Variants in CBLIF observed in about 807,000 individuals in gnomAD.
CBLIF encodes the protein cobalamin binding intrinsic factor, also known as gastric intrinsic factor (vitamin B synthesis).
CBLIF carries 24 observed loss-of-function variants against 44.9 expected under a neutral mutation model. That is an observed-to-expected ratio of 0.53 (90% CI 0.39 to 0.75). CBLIF has a LOEUF of 0.75. CBLIF is among the 30% of genes least tolerant of loss of function. CBLIF has a pLI of 0.00. For synonymous variants in CBLIF, 183 were observed against 190.9 expected, an observed-to-expected ratio of 0.96 and a Z score of 0.34; for missense variants, 481 against 513.0, an observed-to-expected ratio of 0.94 and a Z score of 0.60.
Position 59,835,790 on chromosome 11 carries a change from G to C in CBLIF, c.1073+18C>G, listed in dbSNP as rs756379956. On this transcript the variant is annotated intron_variant, in intron 7 of 8. Transcript: ENST00000257248. ...ATCAGGCCTTGAGAGAATGATGAAT[G>C]ACATTTGTAATACTCACTTGAACAT... 7.0e-6 allele frequency: 11 copies of C among 1,564,244 alleles called. No individual in the cohort carries two copies. Among genetic ancestry groups the C allele is most frequent in the Non-Finnish European group, 9.7e-6 (11 of 1,134,450 alleles).
Position 59,829,282 on chromosome 11 carries a change from T to C in CBLIF, c.*202A>G, listed in dbSNP as rs952973026. Reference sequence around the variant, plus strand: ...ATTGGCAGTCATTGTGTTGAGAAGATGAAAATTTTATTTTCATGAGTCATA... The same window carrying C: ...ATTGGCAGTCATTGTGTTGAGAAGACGAAAATTTTATTTTCATGAGTCATA... On this transcript the variant is annotated 3_prime_UTR_variant, in exon 9 of 9. Transcript: ENST00000257248. 4 of 541,036 alleles carry C rather than the reference T, an allele frequency of 7.4e-6. No individual in the cohort carries two copies. Among genetic ancestry groups the C allele is most frequent in the Non-Finnish European group, 1.4e-5 (4 of 294,658 alleles). 33.5% of individuals were successfully genotyped at this position (541,036 alleles called of 1,614,324 possible). A position where few individuals can be genotyped will look rare whatever the true frequency, so the allele number is the denominator to read the frequency against.
chr11:59,845,294 C>A, intron 1 of CBLIF, 81 bp downstream of exon 1: 2 of 1,601,640 alleles, frequency 1.2e-6, no homozygotes, highest in Non-Finnish European at 1.7e-6. Flanking sequence ...TTGCTATTTT[C>A]AACCACTCAG....
At chr11:59,831,298 T>C (rs749415889) in intron 8 of CBLIF, among the ~76,000 whole-genome samples, 1 of 152,172 alleles carries the variant, frequency 6.6e-6, no homozygotes, top group Non-Finnish European at 1.5e-5. Flanking sequence ...AAATTTTGAG[T>C]GAAACTTTTG....
At chr11:59,842,963 TG>T in intron 3 of CBLIF, 64 bp downstream of exon 3, 1 of 1,016,380 alleles carries the variant, frequency 9.8e-7, no homozygotes, top group Non-Finnish European at 1.6e-6. Flanking sequence ...TTTTCCTTTC[TG>T]GGTTTAAAAT....
intron 5 of CBLIF, among the ~76,000 whole-genome samples, chr11:59,838,848 C>CTTTTTTTTTT (rs1217612334): frequency 7.7e-6 from 1 of 130,544 alleles, no homozygotes; most frequent in Non-Finnish European, 1.6e-5. Flanking sequence ...TTCTTTCTTT[C>CTTTTTTTTTT]TTTTTTTTTT....
chr11:59,843,743 A>G (rs1327523941), intron 2 of CBLIF, 136 bp downstream of exon 2: 7 of 726,276 alleles, frequency 9.6e-6, no homozygotes, highest in East Asian at 5.4e-5. Flanking sequence ...CCTTCCAGGT[A>G]TGTAAGGAAA....
intron 4 of CBLIF, among the ~76,000 whole-genome samples, chr11:59,841,568 T>A (rs907299949): frequency 1.3e-5 from 2 of 152,174 alleles, no homozygotes; most frequent in African/African-American, 4.8e-5. Flanking sequence ...AGGGTGCTAG[T>A]GTTACTGACA....
chr11:59,840,082 T>A (rs1419625000), intron 5 of CBLIF, among the ~76,000 whole-genome samples: 1 of 151,634 alleles, frequency 6.6e-6, no homozygotes, highest in African/African-American at 2.4e-5. Flanking sequence ...ATTAGTCACT[T>A]CTATATGTGG....
chr11:59,830,812 G>A (rs138180797), intron 8 of CBLIF, among the ~76,000 whole-genome samples: 260 of 152,198 alleles, frequency 1.7e-3, no homozygotes, highest in African/African-American at 5.9e-3. Flanking sequence ...CTAATATAAT[G>A]CAGCTATTAA....
chr11:59,838,942 G>A (rs562425683), intron 5 of CBLIF, among the ~76,000 whole-genome samples: 83 of 148,836 alleles, frequency 5.6e-4, no homozygotes, highest in Middle Eastern at 3.5e-3. Flanking sequence ...TCCGTCTCCC[G>A]GGTTCAAGTG....
Position 59,834,292 on chromosome 11 carries a change from CTTTCTTT to C in CBLIF, c.1073+1509_1073+1515del, listed in dbSNP as rs1866419437. Among the ~76,000 whole-genome samples the C allele has an allele frequency of 4.6e-4, 63 of 137,792 alleles. 1 individual carries two copies. Among genetic ancestry groups the C allele is most frequent in the African/African-American group, 1.0e-3 (38 of 36,568 alleles). The allele number at this position is 137,792 out of a possible 152,430, so 90.4% of individuals were successfully genotyped here. A position where few individuals can be genotyped will look rare whatever the true frequency, so the allele number is the denominator to read the frequency against. On this transcript the variant is annotated intron_variant, in intron 7 of 8. Transcript: ENST00000257248. ...TCTTTCTTTCTTTCTTTCTTTCTTT[CTTTCTTT>C]CTTTCTTTCTTTCTTCCTTCCTTCC...
At chr11:59,838,106 C>G (rs1032570411) in intron 5 of CBLIF, among the ~76,000 whole-genome samples, 1 of 152,068 alleles carries the variant, frequency 6.6e-6, no homozygotes, top group Non-Finnish European at 1.5e-5. Context: ...TCTGGTTATT[C>G]CTGAAACCAC....
Position 59,835,760 on chromosome 11 carries a change from T to G in CBLIF, c.1073+48A>C. 2.1e-6 allele frequency: 3 copies of G among 1,421,160 alleles called. No homozygotes were observed. In the South Asian group the frequency reaches 3.4e-5, roughly 16 times the overall value. 88.0% of individuals were successfully genotyped at this position (1,421,160 alleles called of 1,614,324 possible). ...AAACAGGATGGATAAAAAATGGGAATTCAGATCAGGCCTTGAGAGAATGAT... is the reference window on the plus strand; with the variant it reads ...AAACAGGATGGATAAAAAATGGGAAGTCAGATCAGGCCTTGAGAGAATGAT... On this transcript the variant is annotated intron_variant, in intron 7 of 8. Coordinates refer to ENST00000257248, the MANE Select transcript of CBLIF (RefSeq NM_005142.3).
chr11:59,842,921 T>A, intron 3 of CBLIF, 107 bp downstream of exon 3: 1 of 749,910 alleles, frequency 1.3e-6, no homozygotes, highest in Middle Eastern at 2.8e-4. Context: ...CATTGTCTCT[T>A]CCCTAACTTG....
At chr11:59,837,430 A>C in intron 5 of CBLIF, 79 bp from the exon 6 acceptor site, 1 of 1,030,470 alleles carries the variant, frequency 9.7e-7, no homozygotes, top group Non-Finnish European at 1.5e-6. Context: ...TTAAGAGATA[A>C]ACTTGATCAC....
intron 8 of CBLIF, 149 bp from the exon 9 acceptor site, chr11:59,829,694 A>C (rs550622535): frequency 5.9e-6 from 4 of 680,382 alleles, no homozygotes; most frequent in African/African-American, 5.3e-5. Flanking sequence ...CAGTTTGATT[A>C]TGAAGAGAAA....
chr11:59,838,325 G>A lies in CBLIF; in HGVS notation c.694-974C>T, dbSNP rs74622632. 7.0e-3 allele frequency among the ~76,000 whole-genome samples: 1,063 copies of A among 152,182 alleles called. 10 individuals carry two copies. Among genetic ancestry groups the A allele is most frequent in the African/African-American group, 0.023 (946 of 41,478 alleles). Reference sequence around the variant, plus strand: ...GTCTATTGTTGGGGGAGTCATTTGCGGTTCCAAGGGGCTAATGTATAAAAG... The same window carrying A: ...GTCTATTGTTGGGGGAGTCATTTGCAGTTCCAAGGGGCTAATGTATAAAAG... On this transcript the variant is annotated intron_variant, in intron 5 of 8. Coordinates refer to ENST00000257248, the MANE Select transcript of CBLIF (RefSeq NM_005142.3).
At chr11:59,844,358 G>A (rs896727215) in intron 1 of CBLIF, among the ~76,000 whole-genome samples, 5 of 152,012 alleles carry the variant, frequency 3.3e-5, no homozygotes, top group Non-Finnish European at 7.4e-5. Context: ...GGGTAGTCTC[G>A]AATTTCTGAC....
rs193138780 is a variant in CBLIF, at chr11:59,830,968, G to A, written c.1192+710C>T. On this transcript the variant is annotated intron_variant, in intron 8 of 8. Coordinates refer to ENST00000257248, the MANE Select transcript of CBLIF (RefSeq NM_005142.3). The stretch of plus-strand genomic sequence containing the variant: ...AAAACATCTCCTCCACTGTAATATT[G>A]GATAATGAAGCATCTTTACCAACCT... Among the ~76,000 whole-genome samples, 277 of 152,282 alleles carry A rather than the reference G, an allele frequency of 1.8e-3. 2 individuals are homozygous for A. The highest frequency in any genetic ancestry group is 3.4e-3 in the Middle Eastern group (1 of 294).
Sources: allele counts gnomAD v4.1 joint callset (sites outside exome capture counted in the v4.1 genomes callset), GRCh38; gene constraint gnomAD v4.1.1; transcripts MANE v1.5; gene names NCBI Gene and HGNC (gene_info 2026-07-23, HGNC 2026-07-21).